The following PCCA variants were observed in gnomAD, a reference collection of about 807,000 sequenced individuals.
The protein encoded by PCCA is propionyl-CoA carboxylase subunit alpha.
PCCA carries 74 observed loss-of-function variants against 101.3 expected under a neutral mutation model. The ratio of observed to expected loss-of-function variants is 0.73; its 90% confidence interval spans 0.61 to 0.89. The LOEUF (loss-of-function observed/expected upper bound fraction) is 0.89, where lower values mean the gene tolerates loss of function less well. PCCA is among the 40% of genes least tolerant of loss of function. The pLI is 0.00. For missense variants in PCCA, 891 were observed against 907.0 expected (o/e 0.98, Z 0.23); for synonymous variants, 294 against 313.6 (o/e 0.94, Z 0.66).
chr13:100,229,864 G>A (rs988906269), intron 7 of PCCA, among the ~76,000 whole-genome samples: 6 of 152,116 alleles, frequency 3.9e-5, no homozygotes, highest in Non-Finnish European at 7.4e-5. Flanking sequence ...GTTTCTTTAC[G>A]GCACTGGGGA....
chr13:100,244,517 A>ACCATTTT (rs2061328340), intron 8 of PCCA, among the ~76,000 whole-genome samples: 1 of 152,104 alleles, frequency 6.6e-6, no homozygotes, highest in Non-Finnish European at 1.5e-5. Context: ...ATTCGTGAAT[A>ACCATTTT]CCATTTTTTT....
chr13:100,265,530 A>G (rs912844822), intron 10 of PCCA, among the ~76,000 whole-genome samples: 1 of 152,158 alleles, frequency 6.6e-6, no homozygotes, highest in African/African-American at 2.4e-5. Context: ...TGAAAAGTTT[A>G]GACTTCACCT....
chr13:100,295,894 A>C (rs564322480), intron 12 of PCCA, among the ~76,000 whole-genome samples: 10 of 152,114 alleles, frequency 6.6e-5, no homozygotes, highest in Non-Finnish European at 1.0e-4. Flanking sequence ...TTTTCCCTTA[A>C]AACTGATTTT....
intron 22 of PCCA, among the ~76,000 whole-genome samples, chr13:100,522,872 A>G (rs1015250813): frequency 7.2e-5 from 11 of 152,190 alleles, no homozygotes; most frequent in Admixed American, 3.9e-4. Flanking sequence ...TACATCTCCA[A>G]TTTTAGGCCT....
intron 21 of PCCA, among the ~76,000 whole-genome samples, chr13:100,465,965 A>G (rs2082486322): frequency 6.6e-6 from 1 of 152,194 alleles, no homozygotes; most frequent in African/African-American, 2.4e-5. Context: ...TCTTCCTCAT[A>G]TTGGATCATG....
chr13:100,246,187 C>T (rs570986298), intron 8 of PCCA, among the ~76,000 whole-genome samples: 29 of 152,112 alleles, frequency 1.9e-4, no homozygotes, highest in Non-Finnish European at 2.5e-4. Context: ...ATGTCCTGAA[C>T]TAGGGATCTG....
rs144702047 is a variant in PCCA at position 100,296,082 on chromosome 13, G to A, written c.1066-5378G>A. ...AAGTTTAGGTCAGAGGAAACATATCGCACAAACTATCTGCTATTGTATAAC... is the reference window on the plus strand; with the variant it reads ...AAGTTTAGGTCAGAGGAAACATATCACACAAACTATCTGCTATTGTATAAC... On this transcript the variant is annotated intron_variant, in intron 12 of 23. Coordinates refer to ENST00000376285, the MANE Select transcript of PCCA (RefSeq NM_000282.4). Among the ~76,000 whole-genome samples the A allele has an allele frequency of 3.6e-3, 551 of 152,108 alleles. 5 individuals are homozygous for A. Among genetic ancestry groups the A allele is most frequent in the African/African-American group, 0.013 (527 of 41,496 alleles).
chr13:100,262,804 T>G lies in PCCA; in HGVS notation c.792T>G (p.Ile264Met), dbSNP rs1484956776. The stretch of plus-strand genomic sequence containing the variant: ...ATAGACTACTAATAGAAAAATTTAT[T>G]GATAATCCTCGTCATATAGAAATCC... ...GDDRLLIEKF[I>M]DNPRHIEIQV... Residue 264 changes from isoleucine (I) to methionine (M), a missense_variant, in exon 10 of 24, where the codon ATT becomes ATG. Coordinates refer to ENST00000376285, the MANE Select transcript of PCCA (RefSeq NM_000282.4). The G allele has an allele frequency of 6.6e-7, 1 of 1,514,628 alleles. No homozygotes were observed. The highest frequency in any genetic ancestry group is 9.2e-7 in the Non-Finnish European group (1 of 1,091,072). The allele number at this position is 1,514,628 out of a possible 1,614,324, so 93.8% of individuals were successfully genotyped here.
intron 22 of PCCA, among the ~76,000 whole-genome samples, chr13:100,524,413 T>TGTG (rs2087570771): frequency 7.0e-5 from 3 of 42,840 alleles, no homozygotes; most frequent in Non-Finnish European, 1.7e-4. Flanking sequence ...GTGTGTGTGT[T>TGTG]GGGGTAGAAC....
chr13:100,270,494 T>C (rs2063233883), intron 11 of PCCA, among the ~76,000 whole-genome samples: 1 of 152,226 alleles, frequency 6.6e-6, no homozygotes, highest in Admixed American at 6.5e-5. Context: ...TTTCCCAGAC[T>C]GGGAACCTTG....
At chr13:100,239,669 T>C (rs1048038541) in intron 8 of PCCA, among the ~76,000 whole-genome samples, 4 of 152,132 alleles carry the variant, frequency 2.6e-5, no homozygotes, top group Admixed American at 2.0e-4. Context: ...GTTTGATCTT[T>C]TTACTGGGCC....
intron 19 of PCCA, among the ~76,000 whole-genome samples, chr13:100,391,566 A>G (rs1425728397): frequency 6.6e-6 from 1 of 152,156 alleles, no homozygotes; most frequent in Non-Finnish European, 1.5e-5. Context: ...CTGCATGTCC[A>G]GGAGGCCAGG....
intron 2 of PCCA, among the ~76,000 whole-genome samples, chr13:100,111,175 C>G (rs2048274968): frequency 1.5e-5 from 2 of 137,710 alleles, no homozygotes; most frequent in Non-Finnish European, 3.1e-5. Context: ...CTAGACCCAG[C>G]TCCTTTTTTT....
intron 21 of PCCA, among the ~76,000 whole-genome samples, chr13:100,500,844 CT>C (rs2085611835): frequency 6.6e-6 from 1 of 152,206 alleles, no homozygotes; most frequent in Non-Finnish European, 1.5e-5. Context: ...GCAAAAGATA[CT>C]TTAAAGATGT....
chr13:100,421,358 T>C (rs1286557672), intron 19 of PCCA, among the ~76,000 whole-genome samples: 1 of 152,198 alleles, frequency 6.6e-6, no homozygotes, highest in Admixed American at 6.5e-5. Context: ...TCTTTGCATT[T>C]AAAAACACAC....
intron 2 of PCCA, 52 bp downstream of exon 2, chr13:100,103,012 T>G: frequency 8.4e-7 from 1 of 1,187,116 alleles, no homozygotes; most frequent in South Asian, 1.2e-5. Context: ...ATCATGGTTT[T>G]ACTTTCTCGT....
intron 6 of PCCA, among the ~76,000 whole-genome samples, chr13:100,173,700 G>A (rs1236017498): frequency 6.6e-6 from 1 of 151,556 alleles, no homozygotes; most frequent in Non-Finnish European, 1.5e-5. Flanking sequence ...ATGTGATATG[G>A]TTTGGCTGTG....
intron 6 of PCCA, among the ~76,000 whole-genome samples, chr13:100,188,338 A>C (rs912611062): frequency 4.6e-5 from 7 of 152,026 alleles, no homozygotes; most frequent in Admixed American, 4.6e-4. Flanking sequence ...AACACAAAGA[A>C]AGAAAGAAAG....
At chr13:100,403,467 G>A (rs1209896910) in intron 19 of PCCA, among the ~76,000 whole-genome samples, 2 of 152,162 alleles carry the variant, frequency 1.3e-5, no homozygotes, top group Admixed American at 6.5e-5. Context: ...TCCAATCACG[G>A]TGGAAGGCCA....
Sources: gnomAD v4.1 joint callset for allele counts (sites outside exome capture counted in the v4.1 genomes callset) on GRCh38, gnomAD v4.1.1 for gene constraint, MANE v1.5 for transcripts, NCBI Gene and HGNC (gene_info 2026-07-23, HGNC 2026-07-21) for gene names.